LANCL3: variants seen among roughly 807,000 people sequenced by gnomAD.
The protein encoded by LANCL3 is LanC like family member 3.
Under a neutral mutation model 26.5 loss-of-function variants are expected in LANCL3, and 19 were observed. The observed-to-expected ratio is 0.72, with a 90% confidence interval of 0.50 to 1.05. The LOEUF (loss-of-function observed/expected upper bound fraction) is 1.05, where lower values mean the gene tolerates loss of function less well. LANCL3 is among the 50% of genes least tolerant of loss of function. LANCL3 has a pLI of 0.00. For missense variants in LANCL3, 318 were observed against 362.7 expected (o/e 0.88, Z 1.00); for synonymous variants, 160 against 166.6 (o/e 0.96, Z 0.30).
intron 1 of LANCL3, among the ~76,000 whole-genome samples, chrX:37,645,162 A>G (rs782203020): frequency 8.9e-6 from 1 of 112,333 alleles, no homozygotes; most frequent in African/African-American, 3.2e-5. Flanking sequence ...GGCTGTAAGA[A>G]TGGGGTAAAA....
At chrX:37,585,172 A>C (rs782566237) in intron 1 of LANCL3, among the ~76,000 whole-genome samples, 176 of 111,527 alleles carry the variant, frequency 1.6e-3, no homozygotes, top group African/African-American at 5.5e-3. Context: ...AGTTTGTTAT[A>C]ATTTCTGTTC....
At chrX:37,609,336 C>T (rs1478129966) in intron 1 of LANCL3, among the ~76,000 whole-genome samples, 1 of 111,627 alleles carries the variant, frequency 9.0e-6, no homozygotes, top group African/African-American at 3.3e-5. Flanking sequence ...GAGAATAAAA[C>T]TTAAATGGCT....
chrX:37,650,886 C>G, intron 1 of LANCL3, among the ~76,000 whole-genome samples: 1 of 74,118 alleles, frequency 1.3e-5, no homozygotes, highest in East Asian at 5.7e-4. Flanking sequence ...TCCCTCCCCC[C>G]ACCCCACGAC....
chrX:37,667,678 G>C (rs1173612682), intron 4 of LANCL3, among the ~76,000 whole-genome samples, 189 bp downstream of exon 4: 1 of 111,595 alleles, frequency 9.0e-6, no homozygotes, highest in Non-Finnish European at 1.9e-5. Flanking sequence ...TATATACATA[G>C]TGTATAAGTA....
rs1556438685 is a variant in LANCL3 at position 37,681,159 on chromosome X, T to C, written c.*5346T>C. On this transcript the variant is annotated 3_prime_UTR_variant, in exon 5 of 5. Coordinates refer to ENST00000378619, the MANE Select transcript of LANCL3 (RefSeq NM_001170331.2). ...AACCACATATGCAATTTTCAAATTT[T>C]CTAGTAGCTACCAAAAAGGTAAAAG... 8.9e-6 allele frequency: 1 copy of C among 112,243 alleles called. No homozygotes were observed. The highest frequency in any genetic ancestry group is 2.8e-4 in the East Asian group (1 of 3,609). The allele number at this position is 112,243 out of a possible 1,213,427, so 9.3% of individuals were successfully genotyped here.
At chrX:37,627,768 G>A (rs1556423315) in intron 1 of LANCL3, among the ~76,000 whole-genome samples, 1 of 111,578 alleles carries the variant, frequency 9.0e-6, no homozygotes, top group African/African-American at 3.3e-5. Context: ...ACACCCATGG[G>A]CCCAGGGCCA....
chrX:37,581,111 G>A (rs1312891349), intron 1 of LANCL3, among the ~76,000 whole-genome samples: 5 of 107,505 alleles, frequency 4.7e-5, no homozygotes, highest in African/African-American at 1.6e-4. Context: ...CTGGTTTATG[G>A]AGCAAACTTG....
chrX:37,606,199 T>A (rs1234360273), intron 1 of LANCL3, among the ~76,000 whole-genome samples: 3 of 112,110 alleles, frequency 2.7e-5, no homozygotes, highest in Non-Finnish European at 5.6e-5. Context: ...TGAAATGTTG[T>A]CTACCAGAGC....
intron 1 of LANCL3, among the ~76,000 whole-genome samples, chrX:37,630,357 C>T (rs1382180901): frequency 4.5e-5 from 5 of 111,160 alleles, no homozygotes; most frequent in Admixed American, 9.6e-5. Context: ...TGGGCTGAGA[C>T]GATGGGGTTT....
intron 2 of LANCL3, among the ~76,000 whole-genome samples, chrX:37,656,857 C>G (rs1244992816): frequency 8.9e-6 from 1 of 112,786 alleles, no homozygotes; most frequent in African/African-American, 3.2e-5. Flanking sequence ...TGAGTTTTCT[C>G]AAAGAAATTT....
At chrX:37,636,684 T>G (rs1365945886) in intron 1 of LANCL3, among the ~76,000 whole-genome samples, 1 of 111,479 alleles carries the variant, frequency 9.0e-6, no homozygotes, top group African/African-American at 3.3e-5. Context: ...ATGTCCCTCA[T>G]GATGTGGAGT....
chrX:37,623,751 A>G (rs1760753498), intron 1 of LANCL3, among the ~76,000 whole-genome samples: 1 of 111,921 alleles, frequency 8.9e-6, no homozygotes, highest in South Asian at 3.8e-4. Flanking sequence ...TCTTTCTCTC[A>G]CCTCAGATTC....
rs1192519548 is a variant in LANCL3, at chrX:37,680,675, C to G, written c.*4862C>G. 1.8e-5 allele frequency: 2 copies of G among 111,421 alleles called. No homozygotes were observed. Among genetic ancestry groups the G allele is most frequent in the Admixed American group, 9.5e-5 (1 of 10,486 alleles). 9.2% of individuals were successfully genotyped at this position (111,421 alleles called of 1,213,427 possible). A position where few individuals can be genotyped will look rare whatever the true frequency, so the allele number is the denominator to read the frequency against. ...CTATCCTCTCTCTTTTTTTGTCTTT[C>G]TTCTCCCTGTCCAATACTGAGGAAG... On this transcript the variant is annotated 3_prime_UTR_variant, in exon 5 of 5. Coordinates refer to ENST00000378619, the MANE Select transcript of LANCL3 (RefSeq NM_001170331.2).
intron 1 of LANCL3, among the ~76,000 whole-genome samples, chrX:37,581,670 C>T (rs1923896543): frequency 1.8e-5 from 2 of 111,878 alleles, no homozygotes; most frequent in South Asian, 3.7e-4. Context: ...TTTCTAATCA[C>T]AATGATTTAA....
intron 1 of LANCL3, among the ~76,000 whole-genome samples, chrX:37,620,045 T>G (rs934809315): frequency 6.2e-5 from 7 of 112,271 alleles, no homozygotes; most frequent in Non-Finnish European, 1.3e-4. Context: ...CCCTCTTAAT[T>G]TTTTTGGAAA....
chrX:37,683,131 C>A lies in LANCL3; in HGVS notation c.*7318C>A, dbSNP rs1331420054. 1.8e-5 allele frequency: 2 copies of A among 111,503 alleles called. No individual in the cohort carries two copies. The highest frequency in any genetic ancestry group is 3.3e-5 in the African/African-American group (1 of 30,635). The allele number at this position is 111,503 out of a possible 1,213,427, so 9.2% of individuals were successfully genotyped here. ...GAATAGAATTTACTGCTCCAAAAAG[C>A]TTTTTTGGCATAAATCACAATACTT... On this transcript the variant is annotated 3_prime_UTR_variant, in exon 5 of 5. Transcript: ENST00000378619.
Position 37,582,231 on chromosome X carries a change from G to T in LANCL3, c.573+9788G>T, listed in dbSNP as rs782680695. ...AAGTCTTTGCTATTGTGAATAGTGC[G>T]GCAATAAACATACGTGTGCATGTGT... On this transcript the variant is annotated intron_variant, in intron 1 of 4. Coordinates refer to ENST00000378619, the MANE Select transcript of LANCL3 (RefSeq NM_001170331.2). Among the ~76,000 whole-genome samples the T allele has an allele frequency of 1.8e-3, 202 of 111,618 alleles. 1 individual carries two copies. Among genetic ancestry groups the T allele is most frequent in the African/African-American group, 6.3e-3 (192 of 30,711 alleles).
rs187873481 is a variant in LANCL3, at chrX:37,587,430, G to T, written c.573+14987G>T. ...AGAGGCAGGCAGGCCTCCTTGAGCT[G>T]CGGTGGGCTCCACCCAGTTTGAGCT... On this transcript the variant is annotated intron_variant, in intron 1 of 4. Coordinates refer to ENST00000378619, the MANE Select transcript of LANCL3 (RefSeq NM_001170331.2). 9.4e-3 allele frequency among the ~76,000 whole-genome samples: 1,063 copies of T among 112,827 alleles called. 13 individuals are homozygous for T. The highest frequency in any genetic ancestry group is 0.032 in the African/African-American group (986 of 31,068).
chrX:37,593,479 G>A (rs1924343889), intron 1 of LANCL3, among the ~76,000 whole-genome samples: 2 of 111,874 alleles, frequency 1.8e-5, no homozygotes, highest in African/African-American at 6.5e-5. Flanking sequence ...AGTTGTATAA[G>A]GATGTCATTT....
Sources: allele counts gnomAD v4.1 joint callset (sites outside exome capture counted in the v4.1 genomes callset), GRCh38; gene constraint gnomAD v4.1.1; transcripts MANE v1.5; gene names NCBI Gene and HGNC (gene_info 2026-07-23, HGNC 2026-07-21).